Variants in AATF observed in about 807,000 individuals in gnomAD.
AATF encodes the protein protein AATF.
AATF carries 48 observed loss-of-function variants against 63.7 expected under a neutral mutation model. That is an observed-to-expected ratio of 0.75 (90% CI 0.60 to 0.96). The LOEUF (loss-of-function observed/expected upper bound fraction) is 0.96, where lower values mean the gene tolerates loss of function less well. Ranked by LOEUF, AATF falls within the 40% of genes least tolerant of loss-of-function variation. The pLI is 0.00. For synonymous variants in AATF, 258 were observed against 247.7 expected (o/e 1.04, Z -0.39); for missense variants, 639 against 685.7 (o/e 0.93, Z 0.76).
chr17:36,978,084 A>G (rs145870241), intron 4 of AATF, among the ~76,000 whole-genome samples: 5 of 152,286 alleles, frequency 3.3e-5, no homozygotes, highest in South Asian at 2.1e-4. Flanking sequence ...ACAGAACTCA[A>G]ATGCACACTA....
intron 8 of AATF, among the ~76,000 whole-genome samples, chr17:37,018,665 T>C (rs1439488500): frequency 3.9e-5 from 6 of 152,178 alleles, no homozygotes; most frequent in Admixed American, 2.6e-4. Context: ...CACCTGACCT[T>C]TTAAAGATTC....
At chr17:36,961,284 G>A (rs927498867) in intron 4 of AATF, among the ~76,000 whole-genome samples, 3 of 152,064 alleles carry the variant, frequency 2.0e-5, no homozygotes, top group African/African-American at 7.2e-5. Flanking sequence ...AAACATCCTT[G>A]TACATACATA....
chr17:37,038,113 C>T (rs1167210931), intron 11 of AATF, among the ~76,000 whole-genome samples: 3 of 152,096 alleles, frequency 2.0e-5, no homozygotes, highest in Non-Finnish European at 4.4e-5. Flanking sequence ...TTCTTTACTG[C>T]ACTGCAAGAA....
chr17:37,048,906 A>G (rs559298752), intron 11 of AATF, among the ~76,000 whole-genome samples: 1 of 152,314 alleles, frequency 6.6e-6, no homozygotes, highest in African/African-American at 2.4e-5. Flanking sequence ...GAATGATGAA[A>G]GGAGGGTGCC....
chr17:36,960,264 G>A (rs2070936575), intron 4 of AATF, among the ~76,000 whole-genome samples: 1 of 152,036 alleles, frequency 6.6e-6, no homozygotes, highest in South Asian at 2.1e-4. Flanking sequence ...CACCCGCCTC[G>A]GCCTCCCAAA....
intron 4 of AATF, among the ~76,000 whole-genome samples, chr17:36,965,013 T>C (rs941043333): frequency 2.0e-5 from 3 of 152,322 alleles, no homozygotes; most frequent in African/African-American, 7.2e-5. Context: ...TGAGTTCTTG[T>C]AGGTTTGAAA....
intron 11 of AATF, among the ~76,000 whole-genome samples, chr17:37,036,818 G>A (rs2071596098): frequency 6.6e-6 from 1 of 152,058 alleles, no homozygotes; most frequent in African/African-American, 2.4e-5. Context: ...GTTACAGATG[G>A]TTTGTATTGC....
At chr17:36,982,777 G>A (rs2071137351) in intron 4 of AATF, among the ~76,000 whole-genome samples, 2 of 152,038 alleles carry the variant, frequency 1.3e-5, no homozygotes, top group Non-Finnish European at 2.9e-5. Flanking sequence ...TTGTGCAACC[G>A]TCACCACCAT....
At position 36,953,260 on chromosome 17, in the gene AATF, G is replaced by T; in HGVS notation, c.658G>T (p.Glu220Ter). Reference sequence around the variant, plus strand: ...CTTCTCTAGTGTCAAAGTTTCTGAGGAAGTGGAGAAAGGAAGAGCCGTGAA... The same window carrying T: ...CTTCTCTAGTGTCAAAGTTTCTGAGTAAGTGGAGAAAGGAAGAGCCGTGAA... ...MTFSSVKVSE[E>*]VEKGRAVKNQ... Residue 220 changes from glutamate (E) to a stop codon, truncating the protein, a stop_gained, in exon 3 of 12, where the codon GAA becomes TAA. Coordinates refer to ENST00000619387, the MANE Select transcript of AATF (RefSeq NM_012138.4). LOFTEE classifies it high-confidence loss of function. The T allele has an allele frequency of 1.2e-6, 2 of 1,614,078 alleles. No homozygotes were observed. Among genetic ancestry groups the T allele is most frequent in the Non-Finnish European group, 1.7e-6 (2 of 1,179,910 alleles).
intron 7 of AATF, among the ~76,000 whole-genome samples, chr17:36,990,121 T>C (rs539101964): frequency 1.9e-4 from 29 of 152,040 alleles, no homozygotes; most frequent in Non-Finnish European, 4.0e-4. Flanking sequence ...TGGTTGCCTT[T>C]TTTACTAAAT....
At chr17:36,995,564 TTTTG>T (rs781380869) in intron 8 of AATF, among the ~76,000 whole-genome samples, 6 of 152,240 alleles carry the variant, frequency 3.9e-5, no homozygotes, top group South Asian at 2.1e-4. Context: ...TATCGATTTA[TTTTG>T]TTTGTTTGTT....
At chr17:37,053,864 C>CA (rs1293179321) in intron 11 of AATF, among the ~76,000 whole-genome samples, 7 of 149,834 alleles carry the variant, frequency 4.7e-5, no homozygotes, top group South Asian at 2.1e-4. Flanking sequence ...GACTCCATCT[C>CA]AAAAAAAAAT....
At chr17:36,985,720 AT>A (rs1333758842) in intron 4 of AATF, among the ~76,000 whole-genome samples, 12 of 145,706 alleles carry the variant, frequency 8.2e-5, no homozygotes, top group Admixed American at 1.4e-4. Flanking sequence ...ATTTTTTTGT[AT>A]TTTTTTTTTA....
At chr17:37,048,824 C>A (rs1055318041) in intron 11 of AATF, among the ~76,000 whole-genome samples, 11 of 152,200 alleles carry the variant, frequency 7.2e-5, no homozygotes, top group Non-Finnish European at 1.3e-4. Flanking sequence ...AGAGACACTT[C>A]TCAAATATCT....
At chr17:37,054,275 A>G (rs759279595) in intron 11 of AATF, among the ~76,000 whole-genome samples, 85 of 152,294 alleles carry the variant, frequency 5.6e-4, no homozygotes, top group Non-Finnish European at 1.2e-4. Context: ...GGAGTGGAAG[A>G]GTCAGCCAGG....
intron 9 of AATF, among the ~76,000 whole-genome samples, chr17:37,019,526 G>C (rs949766867): frequency 1.3e-5 from 2 of 152,316 alleles, no homozygotes; most frequent in East Asian, 3.9e-4. Flanking sequence ...ACAATTAGAA[G>C]TGGAACGTGG....
intron 8 of AATF, among the ~76,000 whole-genome samples, chr17:37,009,342 A>C (rs1216564137): frequency 2.8e-5 from 4 of 141,406 alleles, no homozygotes; most frequent in African/African-American, 8.1e-5. Flanking sequence ...ATGGGGTTTC[A>C]CCATGTTGGC....
At chr17:36,952,824 A>G (rs776193317) in intron 2 of AATF, 62 bp from the exon 3 acceptor site, 43 of 1,563,232 alleles carry the variant, frequency 2.8e-5, no homozygotes, top group African/African-American at 4.1e-5. Context: ...AATGAAGTCT[A>G]TGGCTTGGTA....
At chr17:36,962,207 T>C (rs979263754) in intron 4 of AATF, among the ~76,000 whole-genome samples, 1 of 152,256 alleles carries the variant, frequency 6.6e-6, no homozygotes, top group African/African-American at 2.4e-5. Context: ...AAATAACATA[T>C]GCAGTGTTTT....
Sources: gnomAD v4.1 joint callset for allele counts (sites outside exome capture counted in the v4.1 genomes callset) on GRCh38, gnomAD v4.1.1 for gene constraint, MANE v1.5 for transcripts, NCBI Gene and HGNC (gene_info 2026-07-23, HGNC 2026-07-21) for gene names.